The following PRCD variants were observed in gnomAD, a reference collection of about 807,000 sequenced individuals.
The protein encoded by PRCD is photoreceptor disk component PRCD.
PRCD carries 12 observed loss-of-function variants against 10.1 expected under a neutral mutation model. That is an observed-to-expected ratio of 1.18 (90% CI 0.76 to 1.92). The LOEUF is 1.92. PRCD is among the 40% of genes most tolerant of loss of function. The pLI is 0.00. For synonymous variants in PRCD, 31 were observed against 26.2 expected, an observed-to-expected ratio of 1.18 and a Z score of -0.56; for missense variants, 61 against 72.2, an observed-to-expected ratio of 0.84 and a Z score of 0.56.
chr17:76,540,257 G>A lies in PRCD; in HGVS notation c.74+42G>A. ...GCTATGGCTGGCGGTTGGTCGGGGG[G>A]GGGGGGCATGGGGCTGGGCTGCCAC... On this transcript the variant is annotated intron_variant, in intron 1 of 4. Coordinates refer to ENST00000592014, the MANE Select transcript of PRCD (RefSeq NM_001077620.3). The surrounding 1 kb of genome is among the most constrained non-coding windows in gnomAD (Gnocchi z 5.0). The A allele has an allele frequency of 2.6e-6, 3 of 1,159,338 alleles. No homozygotes were observed. The highest frequency in any genetic ancestry group is 1.5e-5 in the African/African-American group (1 of 66,722). The allele number at this position is 1,159,338 out of a possible 1,614,324, so 71.8% of individuals were successfully genotyped here.
upstream of PRCD, chr17:76,538,156 G>T (rs888096691): frequency 6.3e-6 from 1 of 159,482 alleles, no homozygotes; most frequent in African/African-American, 2.4e-5. Context: ...GAGCTTTCGC[G>T]GCGAGGCCGA....
At chr17:76,542,897 C>G in intron 3 of PRCD, 132 bp from the exon 4 acceptor site, 3 of 586,146 alleles carry the variant, frequency 5.1e-6, no homozygotes, top group South Asian at 4.7e-5. Flanking sequence ...GCGAGGTGGT[C>G]GTGCTGGGGC....
intron 2 of PRCD, among the ~76,000 whole-genome samples, chr17:76,541,726 C>G: frequency 6.6e-6 from 1 of 152,200 alleles, no homozygotes; most frequent in East Asian, 1.9e-4. Flanking sequence ...TGGGCCTCCC[C>G]CGATAGGAGG....
In PRCD at chr17:76,530,179, C is replaced by T. The variant is rs2074818936; in HGVS notation, n.45+2346C>T. ...GCTGGCTGACCTCTGCTTCCCATTC[C>T]CGCCTCCGCTCCTCTCCTCCTTCCT... On this transcript the variant is annotated intron_variant and non_coding_transcript_variant, in intron 1 of 4. Coordinates refer to the PRCD transcript ENST00000397633. The surrounding 1 kb of genome is among the most constrained non-coding windows in gnomAD (Gnocchi z 6.1). Among the ~76,000 whole-genome samples the T allele has an allele frequency of 6.6e-6, 1 of 152,152 alleles. No individual in the cohort carries two copies. The highest frequency in any genetic ancestry group is 6.5e-5 in the Admixed American group (1 of 15,274).
chr17:76,529,003 C>A, intron 1 of PRCD: 1 of 1,000,864 alleles, frequency 1.0e-6, no homozygotes, highest in Non-Finnish European at 1.2e-6. Context: ...CATCTGTATT[C>A]TCGTATTCTC....
At chr17:76,543,332 A>G in intron 4 of PRCD, 1 of 343,790 alleles carries the variant, frequency 2.9e-6, no homozygotes. Flanking sequence ...TGCTGGGTCC[A>G]CCAGGCTAAT....
downstream of PRCD, among the ~76,000 whole-genome samples, chr17:76,548,937 A>C (rs1351457730): frequency 6.6e-6 from 1 of 152,196 alleles, no homozygotes; most frequent in East Asian, 1.9e-4. Flanking sequence ...GGGGAAACCC[A>C]AGCGGACCAC....
chr17:76,527,832 C>G (rs989905522), exon 1 of PRCD: 1 of 453,384 alleles, frequency 2.2e-6, no homozygotes, highest in Non-Finnish European at 4.4e-6. Context: ...CTAGGACAGC[C>G]GGTGAGTCAG....
At position 76,543,775 on chromosome 17, in the gene PRCD, C is replaced by A. The variant is rs2278640; in HGVS notation, c.*153-28C>A. On this transcript the variant is annotated intron_variant, in intron 4 of 4. Transcript: ENST00000592014. ...GGTGTCGGTTTGCCACAGTGGCACT[C>A]GCTTTTGTGTCATTTGCCTTTCCCC... 273 of 470,528 alleles carry A rather than the reference C, an allele frequency of 5.8e-4. No individual in the cohort carries two copies. In the East Asian group the frequency reaches 0.018, roughly 31 times the overall value. The allele number at this position is 470,528 out of a possible 1,614,324, so 29.1% of individuals were successfully genotyped here.
chr17:76,538,515 C>T (rs1413738268), upstream of PRCD: 1 of 466,556 alleles, frequency 2.1e-6, no homozygotes, highest in South Asian at 1.6e-5. Context: ...CAGGCAAGAA[C>T]CAGCCGCTGC....
rs2074834011 is a variant in PRCD, at chr17:76,531,113, G to T, written n.45+3280G>T. 1 of 1,613,720 alleles carries T rather than the reference G, an allele frequency of 6.2e-7. No homozygotes were observed. The highest frequency in any genetic ancestry group is 1.1e-5 in the South Asian group (1 of 91,062). On this transcript the variant is annotated intron_variant and non_coding_transcript_variant, in intron 1 of 4. Transcript: ENST00000397633. The surrounding 1 kb of genome is among the most constrained non-coding windows in gnomAD (Gnocchi z 7.4). ...GGAAGTCACTGGCAAATTCCTCGGC[G>T]ACCACCTCCAGAATGACCCCAGAGA...
At chr17:76,543,582 C>CCAGGCTCA (rs1353888447) in intron 4 of PRCD, among the ~76,000 whole-genome samples, 3 of 152,180 alleles carry the variant, frequency 2.0e-5, no homozygotes, top group Non-Finnish European at 4.4e-5. Flanking sequence ...GTGGAGGCTC[C>CCAGGCTCA]CAGGCTCACA....
upstream of PRCD, chr17:76,537,725 T>C: frequency 3.4e-6 from 1 of 294,438 alleles, no homozygotes; most frequent in Non-Finnish European, 4.9e-6. Context: ...TGCGTGCGTG[T>C]GTGCAGGGTA....
At position 76,544,373 on chromosome 17, in the gene PRCD, G is replaced by T; in HGVS notation, c.*723G>T. 1 of 454,814 alleles carries T rather than the reference G, an allele frequency of 2.2e-6. No homozygotes were observed. Among genetic ancestry groups the T allele is most frequent in the Non-Finnish European group, 4.4e-6 (1 of 226,924 alleles). The allele number at this position is 454,814 out of a possible 1,614,324, so 28.2% of individuals were successfully genotyped here. On this transcript the variant is annotated 3_prime_UTR_variant, in exon 5 of 5. Coordinates refer to ENST00000592014, the MANE Select transcript of PRCD (RefSeq NM_001077620.3). ...TCTGAAGGGAAGGAAGGGAAAGGGT[G>T]AGGGATGCCGCAGAGCAGAGGGAAC...
upstream of PRCD, among the ~76,000 whole-genome samples, chr17:76,537,075 ATG>A (rs1239885711): frequency 2.6e-5 from 4 of 152,238 alleles, no homozygotes; most frequent in South Asian, 2.1e-4. Context: ...GGCCAGAAAA[ATG>A]TGTGTGTCTG....
upstream of PRCD, chr17:76,527,681 G>T (rs368573867): frequency 2.2e-6 from 1 of 453,994 alleles, no homozygotes; most frequent in Non-Finnish European, 4.4e-6. Flanking sequence ...TGGTCCCGCC[G>T]ACCTGCTGCC....
rs549330907 is a variant in PRCD, at chr17:76,528,367, C to T, written n.45+534C>T. 3.3e-5 allele frequency: 14 copies of T among 421,026 alleles called. No individual in the cohort carries two copies. The highest frequency in any genetic ancestry group is 1.0e-4 in the African/African-American group (5 of 49,026). 26.1% of individuals were successfully genotyped at this position (421,026 alleles called of 1,614,324 possible). A position where few individuals can be genotyped will look rare whatever the true frequency, so the allele number is the denominator to read the frequency against. Reference sequence around the variant, plus strand: ...TAAGAAGAGTGGGCCCCGCTCTGCCCGCCGCGCTGGGGTCAGCATCCAGGC... The same window carrying T: ...TAAGAAGAGTGGGCCCCGCTCTGCCTGCCGCGCTGGGGTCAGCATCCAGGC... On this transcript the variant is annotated intron_variant and non_coding_transcript_variant, in intron 1 of 4. Coordinates refer to the PRCD transcript ENST00000397633. The surrounding 1 kb of genome is among the most constrained non-coding windows in gnomAD (Gnocchi z 5.8).
chr17:76,529,096 G>C (rs1214732667), intron 1 of PRCD: 1 of 973,172 alleles, frequency 1.0e-6, no homozygotes, highest in African/African-American at 1.9e-5. Context: ...GAGCAGAGAC[G>C]GCTCAATAAA....
chr17:76,527,704 T>C (rs965879712), upstream of PRCD: 4 of 453,828 alleles, frequency 8.8e-6, no homozygotes, highest in African/African-American at 4.0e-5. Context: ...GCAGCCCGGA[T>C]CCCCCGGGGC....
Sources: gnomAD v4.1 joint callset for allele counts (sites outside exome capture counted in the v4.1 genomes callset) on GRCh38, gnomAD v4.1.1 for gene constraint, Gnocchi (gnomAD v3.1) non-coding constraint, MANE v1.5 for transcripts, NCBI Gene and HGNC (gene_info 2026-07-23, HGNC 2026-07-21) for gene names.